ETV7: variants seen among roughly 807,000 people sequenced by gnomAD.
The protein encoded by ETV7 is transcription factor ETV7.
A neutral mutation model predicts 39.1 loss-of-function variants in ETV7; 43 were observed. The observed-to-expected ratio is 1.10, with a 90% CI of 0.86 to 1.42. The LOEUF (loss-of-function observed/expected upper bound fraction) is 1.42, where lower values mean the gene tolerates loss of function less well. Ranked by LOEUF, ETV7 falls within the 40% of genes most tolerant of loss-of-function variation. The pLI, the probability that ETV7 is intolerant of heterozygous loss-of-function variation, is 0.00. For synonymous variants in ETV7, 196 were observed against 176.6 expected (o/e 1.11, Z -0.87); for missense variants, 432 against 442.3 (o/e 0.98, Z 0.21).
Position 36,374,225 on chromosome 6 carries a change from C to T in ETV7, c.308-647G>A, listed in dbSNP as rs146204139. On this transcript the variant is annotated intron_variant, in intron 3 of 7. Coordinates refer to ENST00000340181, the MANE Select transcript of ETV7 (RefSeq NM_016135.4). ...TTTTAAAAATCAGCTGGGTATGGTG[C>T]GCATATCTGTGGTCCCAGCTACTTG... 5.3e-3 allele frequency among the ~76,000 whole-genome samples: 812 copies of T among 152,016 alleles called. 9 individuals carry two copies. Among genetic ancestry groups the T allele is most frequent in the African/African-American group, 0.013 (524 of 41,454 alleles).
intron 5 of ETV7, among the ~76,000 whole-genome samples, chr6:36,370,371 C>A (rs942149641): frequency 6.6e-6 from 1 of 151,948 alleles, no homozygotes; most frequent in African/African-American, 2.4e-5. Flanking sequence ...ACCGTCTCTA[C>A]TAATAAAACA....
intron 2 of ETV7, 98 bp from the exon 3 acceptor site, chr6:36,376,133 G>GC (rs1014171555): frequency 1.7e-6 from 2 of 1,142,984 alleles, no homozygotes; most frequent in African/African-American, 3.1e-5. Flanking sequence ...CCCTGTCCTG[G>GC]CCCCCAACCC....
chr6:36,376,940 A>C (rs1259079077), intron 2 of ETV7, among the ~76,000 whole-genome samples: 1 of 152,170 alleles, frequency 6.6e-6, no homozygotes, highest in Non-Finnish European at 1.5e-5. Flanking sequence ...ACTTGGAATC[A>C]GGTTTGCTCA....
At chr6:36,360,104 G>A (rs1772447642) in intron 7 of ETV7, among the ~76,000 whole-genome samples, 1 of 152,264 alleles carries the variant, frequency 6.6e-6, no homozygotes, top group South Asian at 2.1e-4. Context: ...TGTTGGCCAG[G>A]ATGGTCTCGA....
chr6:36,354,418 G>A, exon 8 of ETV7: 1 of 379,092 alleles, frequency 2.6e-6, no homozygotes, highest in Non-Finnish European at 4.7e-6. Flanking sequence ...CATATTTTGA[G>A]TTAATTTTTG....
At chr6:36,378,252 A>G (rs1316187579) in intron 2 of ETV7, among the ~76,000 whole-genome samples, 1 of 151,746 alleles carries the variant, frequency 6.6e-6, no homozygotes, top group Non-Finnish European at 1.5e-5. Flanking sequence ...AAAAAAAAAA[A>G]AAAACCTGAC....
At chr6:36,386,319 C>T (rs1282558434) in intron 1 of ETV7, among the ~76,000 whole-genome samples, 2 of 152,330 alleles carry the variant, frequency 1.3e-5, no homozygotes, top group South Asian at 4.1e-4. Flanking sequence ...GAGAGCAAGA[C>T]TCCGTCTCAG....
Position 36,366,994 on chromosome 6 carries a change from C to A in ETV7, c.808-19G>T. 1 of 1,596,798 alleles carries A rather than the reference C, an allele frequency of 6.3e-7. No individual in the cohort carries two copies. The highest frequency in any genetic ancestry group is 8.6e-7 in the Non-Finnish European group (1 of 1,164,408). ...CCCGGTTCTGGAAAGCAAAGCAGCC[C>A]CACATCAGCCCCACTCCCCATGTCC... is the stretch of plus-strand genomic sequence containing the variant. On this transcript the variant is annotated intron_variant, in intron 6 of 7. Coordinates refer to ENST00000340181, the MANE Select transcript of ETV7 (RefSeq NM_016135.4).
At chr6:36,383,769 A>C (rs1222709643) in intron 2 of ETV7, among the ~76,000 whole-genome samples, 1 of 152,250 alleles carries the variant, frequency 6.6e-6, no homozygotes, top group Non-Finnish European at 1.5e-5. Flanking sequence ...GTATTTACTA[A>C]GGGCCAGAAC....
chr6:36,376,479 A>AT (rs1413484896), intron 2 of ETV7, among the ~76,000 whole-genome samples: 1 of 152,206 alleles, frequency 6.6e-6, no homozygotes, highest in Non-Finnish European at 1.5e-5. Flanking sequence ...GAACAACCCA[A>AT]TGAAAGGGGT....
At chr6:36,380,879 C>A (rs1773617211) in intron 2 of ETV7, among the ~76,000 whole-genome samples, 1 of 152,168 alleles carries the variant, frequency 6.6e-6, no homozygotes. Flanking sequence ...TGACTCCCAC[C>A]CCGACCCCGA....
intron 2 of ETV7, among the ~76,000 whole-genome samples, chr6:36,379,800 C>T (rs1773562503): frequency 6.6e-6 from 1 of 151,484 alleles, no homozygotes; most frequent in African/African-American, 2.4e-5. Flanking sequence ...CACTTGAACC[C>T]CAGAGGTGGA....
At chr6:36,363,358 G>A (rs1772583957), downstream of ETV7, among the ~76,000 whole-genome samples, 1 of 151,794 alleles carries the variant, frequency 6.6e-6, no homozygotes. Context: ...AAGGCACCGC[G>A]TCTGGAGTCG....
chr6:36,371,829 G>C (rs1773041906), intron 4 of ETV7, among the ~76,000 whole-genome samples: 1 of 152,246 alleles, frequency 6.6e-6, no homozygotes, highest in Non-Finnish European at 1.5e-5. Flanking sequence ...AGCAGTGACA[G>C]AGCCAGGTCT....
At chr6:36,367,510 G>C (rs1400035123) in intron 6 of ETV7, among the ~76,000 whole-genome samples, 1 of 152,056 alleles carries the variant, frequency 6.6e-6, no homozygotes, top group African/African-American at 2.4e-5. Context: ...TGATGGAAAG[G>C]TTCTCCTGCC....
At chr6:36,376,582 C>A (rs1326912233) in intron 2 of ETV7, among the ~76,000 whole-genome samples, 1 of 152,034 alleles carries the variant, frequency 6.6e-6, no homozygotes, top group African/African-American at 2.4e-5. Context: ...TTCAAACCAT[C>A]CTGGCCAACA....
At chr6:36,359,793 T>C (rs1772437992) in intron 7 of ETV7, among the ~76,000 whole-genome samples, 1 of 152,244 alleles carries the variant, frequency 6.6e-6, no homozygotes, top group South Asian at 2.1e-4. Context: ...CAACTCCATG[T>C]GCTAAGCAGG....
intron 2 of ETV7, among the ~76,000 whole-genome samples, chr6:36,382,743 C>T (rs115400220): frequency 0.024 from 3,671 of 152,264 alleles, 150 homozygotes; most frequent in African/African-American, 0.083. Flanking sequence ...ATATAGGACA[C>T]GGCACTCTAC....
rs114708896 is a variant in ETV7 at position 36,381,931 on chromosome 6, T to C, written c.142+3603A>G. On this transcript the variant is annotated intron_variant, in intron 2 of 7. Transcript: ENST00000340181. ...GGAGGGGAGAGGTTCTTTATCCTCA[T>C]ATTAATAGTTCTTGGAATTCCCCAT... Among the ~76,000 whole-genome samples the C allele has an allele frequency of 8.5e-3, 1,302 of 152,290 alleles. 25 individuals carry two copies. The highest frequency in any genetic ancestry group is 0.029 in the African/African-American group (1,190 of 41,560).
Sources: allele counts gnomAD v4.1 joint callset (sites outside exome capture counted in the v4.1 genomes callset), GRCh38; gene constraint gnomAD v4.1.1; transcripts MANE v1.5; gene names NCBI Gene and HGNC (gene_info 2026-07-23, HGNC 2026-07-21).